Variants in SGCD observed in about 807,000 individuals in gnomAD.
SGCD encodes sarcoglycan delta, also known as delta-sarcoglycan.
Under a neutral mutation model 36.6 loss-of-function variants are expected in SGCD, and 18 were observed. The observed-to-expected ratio is 0.49, with a 90% CI of 0.34 to 0.73. The LOEUF (loss-of-function observed/expected upper bound fraction) is 0.73, where lower values mean the gene tolerates loss of function less well. Ranked by LOEUF, SGCD falls within the 30% of genes least tolerant of loss-of-function variation. The pLI, the probability that SGCD is intolerant of heterozygous loss-of-function variation, is 0.01. For synonymous variants in SGCD, 133 were observed against 130.6 expected, an observed-to-expected ratio of 1.02 and a Z score of -0.12; for missense variants, 387 against 346.7, an observed-to-expected ratio of 1.12 and a Z score of -0.92.
At chr5:155,993,952 C>T (rs752651468) in intron 1 of SGCD, among the ~76,000 whole-genome samples, 17 of 152,146 alleles carry the variant, frequency 1.1e-4, no homozygotes, top group Non-Finnish European at 2.9e-5. Context: ...TAGTTTCCAC[C>T]GCTAGATGGG....
At chr5:156,071,123 T>C (rs1196293777) in intron 1 of SGCD, among the ~76,000 whole-genome samples, 1 of 152,206 alleles carries the variant, frequency 6.6e-6, no homozygotes, top group African/African-American at 2.4e-5. Flanking sequence ...TTTGTGTCTC[T>C]ATTTCCTTCA....
chr5:156,582,535 G>T (rs190959669), intron 4 of SGCD, among the ~76,000 whole-genome samples: 1 of 152,250 alleles, frequency 6.6e-6, no homozygotes, highest in Admixed American at 6.5e-5. Context: ...CCGTTGCTTT[G>T]GGCTCTTGGG....
At chr5:156,582,249 A>T (rs909723616) in intron 4 of SGCD, among the ~76,000 whole-genome samples, 1 of 152,166 alleles carries the variant, frequency 6.6e-6, no homozygotes, top group African/African-American at 2.4e-5. Context: ...TTCATTGTCA[A>T]GTGCCACCTT....
chr5:156,159,099 G>A (rs1763028538), intron 3 of SGCD, among the ~76,000 whole-genome samples: 1 of 151,518 alleles, frequency 6.6e-6, no homozygotes, highest in South Asian at 2.1e-4. Flanking sequence ...AGCACTCTGA[G>A]CCTCATTTCC....
At chr5:156,380,987 T>C (rs1174902433) in intron 3 of SGCD, among the ~76,000 whole-genome samples, 1 of 152,208 alleles carries the variant, frequency 6.6e-6, no homozygotes, top group East Asian at 1.9e-4. Flanking sequence ...ACAGAATAAA[T>C]TGAGAGTAAA....
At chr5:155,884,512 T>G (rs1003144311) in intron 1 of SGCD, among the ~76,000 whole-genome samples, 1 of 152,224 alleles carries the variant, frequency 6.6e-6, no homozygotes, top group African/African-American at 2.4e-5. Flanking sequence ...AGAGCTGCTG[T>G]AATTGTACCA....
At chr5:156,438,851 T>C (rs1284196013) in intron 3 of SGCD, among the ~76,000 whole-genome samples, 1 of 152,128 alleles carries the variant, frequency 6.6e-6, no homozygotes, top group Non-Finnish European at 1.5e-5. Flanking sequence ...CAACTCAACA[T>C]GAACTAAATG....
At chr5:156,296,947 CACAT>C (rs953006045) in intron 3 of SGCD, among the ~76,000 whole-genome samples, 2 of 151,860 alleles carry the variant, frequency 1.3e-5, no homozygotes, top group South Asian at 2.1e-4. Flanking sequence ...TATATACACA[CACAT>C]ACACACACTA....
At chr5:156,202,700 C>T (rs17053328) in intron 3 of SGCD, among the ~76,000 whole-genome samples, 46,659 of 149,984 alleles carry the variant, frequency 0.31, 7,668 homozygotes, top group East Asian at 0.6. Context: ...AATCAAGGCA[C>T]AATGGAGAGT....
chr5:156,261,147 G>A (rs1266379987), intron 3 of SGCD, among the ~76,000 whole-genome samples: 1 of 152,060 alleles, frequency 6.6e-6, no homozygotes, highest in Admixed American at 6.6e-5. Flanking sequence ...TATTAACAAA[G>A]TTATACTGGT....
At chr5:156,300,015 T>C (rs1767011084) in intron 3 of SGCD, among the ~76,000 whole-genome samples, 1 of 152,112 alleles carries the variant, frequency 6.6e-6, no homozygotes, top group African/African-American at 2.4e-5. Context: ...GTTCCTGATC[T>C]CGGAGGAAAG....
chr5:156,020,705 GTAGAACGAAT>G (rs1388951502), intron 1 of SGCD, among the ~76,000 whole-genome samples: 1 of 152,164 alleles, frequency 6.6e-6, no homozygotes, highest in African/African-American at 2.4e-5. Context: ...CTTCTTGAAG[GTAGAACGAAT>G]TATTATTACC....
At chr5:155,931,776 G>A (rs1757102110) in intron 1 of SGCD, among the ~76,000 whole-genome samples, 1 of 152,158 alleles carries the variant, frequency 6.6e-6, no homozygotes, top group Non-Finnish European at 1.5e-5. Context: ...CTATCTGTCT[G>A]TTCTTATGCA....
At chr5:156,184,430 A>C (rs1763686091) in intron 3 of SGCD, among the ~76,000 whole-genome samples, 1 of 150,814 alleles carries the variant, frequency 6.6e-6, no homozygotes, top group African/African-American at 2.4e-5. Context: ...AAATATATGC[A>C]AATAGTACTT....
chr5:155,865,533 G>A (rs1364451238), upstream of SGCD, among the ~76,000 whole-genome samples: 1 of 152,130 alleles, frequency 6.6e-6, no homozygotes, highest in Non-Finnish European at 1.5e-5. Flanking sequence ...AGAAGTTTCT[G>A]AAAAGTTAGT....
chr5:156,526,893 C>G (rs1368720807), intron 4 of SGCD, among the ~76,000 whole-genome samples: 1 of 152,152 alleles, frequency 6.6e-6, no homozygotes, highest in Non-Finnish European at 1.5e-5. Context: ...GCGTGCTTTT[C>G]TTAAATGAAG....
At chr5:155,860,670 T>G in the SGCD span, among the ~76,000 whole-genome samples, 1 of 152,210 alleles carries the variant, frequency 6.6e-6, no homozygotes, top group East Asian at 1.9e-4. Context: ...CCTTGCAAAG[T>G]ATTCTTGATG....
At chr5:155,883,683 T>A (rs1432118929) in intron 1 of SGCD, among the ~76,000 whole-genome samples, 1 of 151,626 alleles carries the variant, frequency 6.6e-6, no homozygotes, top group Non-Finnish European at 1.5e-5. Flanking sequence ...GCTTGAAGTA[T>A]TTTGAGCATT....
intron 3 of SGCD, among the ~76,000 whole-genome samples, chr5:156,130,418 G>T (rs3097859): frequency 0.44 from 67,266 of 151,992 alleles, 15,625 homozygotes; most frequent in African/African-American, 0.57. Flanking sequence ...AGATATTTTC[G>T]TCCATTCTGT....
Sources: allele counts gnomAD v4.1 joint callset (sites outside exome capture counted in the v4.1 genomes callset), GRCh38; gene constraint gnomAD v4.1.1; transcripts MANE v1.5; gene names NCBI Gene and HGNC (gene_info 2026-07-23, HGNC 2026-07-21).